The following BCKDHB variants were observed in gnomAD, a reference collection of about 807,000 sequenced individuals.
BCKDHB encodes the protein 2-oxoisovalerate dehydrogenase subunit beta, mitochondrial.
BCKDHB carries 41 observed loss-of-function variants against 48.5 expected under a neutral mutation model. The ratio of observed to expected loss-of-function variants is 0.85; its 90% CI spans 0.66 to 1.10. The LOEUF (loss-of-function observed/expected upper bound fraction) is 1.10, where lower values mean the gene tolerates loss of function less well. Ranked by LOEUF, BCKDHB falls within the 50% of genes least tolerant of loss-of-function variation. The pLI is 0.00. For missense variants in BCKDHB, 496 were observed against 494.2 expected, an observed-to-expected ratio of 1.00 and a Z score of -0.03; for synonymous variants, 201 against 174.8, an observed-to-expected ratio of 1.15 and a Z score of -1.18.
chr6:80,369,582 G>A, the BCKDHB span, among the ~76,000 whole-genome samples: 1 of 152,182 alleles, frequency 6.6e-6, no homozygotes, highest in Non-Finnish European at 1.5e-5. Flanking sequence ...TTTAGGTTTG[G>A]CATGTGGAAA....
intron 6 of BCKDHB, among the ~76,000 whole-genome samples, chr6:80,189,423 T>C (rs1773793427): frequency 2.0e-5 from 3 of 152,158 alleles, no homozygotes; most frequent in African/African-American, 7.2e-5. Flanking sequence ...TAAGGGCAAA[T>C]AAGAATTCTA....
At chr6:80,271,292 A>G (rs903624327) in intron 8 of BCKDHB, among the ~76,000 whole-genome samples, 1 of 152,062 alleles carries the variant, frequency 6.6e-6, no homozygotes, top group African/African-American at 2.4e-5. Context: ...ATAATACTCT[A>G]CTATGTTGAT....
intron 9 of BCKDHB, among the ~76,000 whole-genome samples, chr6:80,288,111 G>A (rs1766717066): frequency 6.6e-6 from 1 of 151,458 alleles, no homozygotes; most frequent in Non-Finnish European, 1.5e-5. Context: ...TCCAAATTGG[G>A]TGTTAGTAGT....
chr6:80,237,729 C>A (rs1382158128), intron 8 of BCKDHB, among the ~76,000 whole-genome samples: 1 of 152,168 alleles, frequency 6.6e-6, no homozygotes, highest in African/African-American at 2.4e-5. Flanking sequence ...ACCTATATGC[C>A]TAACTACTGC....
At chr6:80,377,207 A>AT in the BCKDHB span, among the ~76,000 whole-genome samples, 8,208 of 151,778 alleles carry the variant, frequency 0.054, 618 homozygotes, top group African/African-American at 0.17. Flanking sequence ...CGCCTAGCTA[A>AT]TTTTTTGTAT....
chr6:80,363,179 C>T, the BCKDHB span, among the ~76,000 whole-genome samples: 22 of 152,154 alleles, frequency 1.4e-4, no homozygotes, highest in Non-Finnish European at 5.9e-5. Flanking sequence ...TTTAGCAAAA[C>T]AAATAGTGAA....
intron 8 of BCKDHB, among the ~76,000 whole-genome samples, chr6:80,236,651 AACTG>A (rs1438222814): frequency 6.6e-6 from 1 of 152,210 alleles, no homozygotes; most frequent in East Asian, 1.9e-4. Context: ...GAGGTTGAGT[AACTG>A]GCCCCAAGAC....
chr6:80,122,316 C>T (rs2505927), intron 1 of BCKDHB, among the ~76,000 whole-genome samples: 94,333 of 152,048 alleles, frequency 0.62, 29,514 homozygotes, highest in South Asian at 0.76. Context: ...AAATTCTCTT[C>T]TTTTGTTGTG....
chr6:80,117,864 AT>A (rs777034849), intron 1 of BCKDHB, among the ~76,000 whole-genome samples: 137 of 152,256 alleles, frequency 9.0e-4, no homozygotes, highest in Non-Finnish European at 1.4e-3. Flanking sequence ...GAGACCCCTG[AT>A]TTCCCACTCC....
rs537880583 is a variant in BCKDHB, at chr6:80,249,914, A to C, written c.952-23221A>C. The stretch of plus-strand genomic sequence containing the variant: ...GGTAAGTTGTGGCATTGTTGTAAGC[A>C]CCTGCCTGTATGTGTGTTGCTCTGA... On this transcript the variant is annotated intron_variant, in intron 8 of 9. Transcript: ENST00000320393. Among the ~76,000 whole-genome samples the C allele has an allele frequency of 2.9e-4, 44 of 152,252 alleles. 2 individuals are homozygous for C. The South Asian group carries it at 9.1e-3, about 32-fold the overall frequency.
the BCKDHB span, among the ~76,000 whole-genome samples, chr6:80,408,171 T>G: frequency 2.0e-5 from 3 of 152,220 alleles, no homozygotes; most frequent in Non-Finnish European, 4.4e-5. Context: ...GATTTGCATA[T>G]GTTGAACCAG....
At chr6:80,134,755 A>C (rs770938347) in intron 3 of BCKDHB, among the ~76,000 whole-genome samples, 24 of 150,938 alleles carry the variant, frequency 1.6e-4, no homozygotes, top group Non-Finnish European at 3.0e-4. Flanking sequence ...TTATTTATTT[A>C]TTTATTTATT....
chr6:80,412,146 A>ATTT, the BCKDHB span, among the ~76,000 whole-genome samples: 643 of 137,084 alleles, frequency 4.7e-3, 11 homozygotes, highest in East Asian at 0.03. Flanking sequence ...CACAGTTTAC[A>ATTT]TTTTTTTTTT....
At chr6:80,452,791 A>C in the BCKDHB span, among the ~76,000 whole-genome samples, 2 of 152,338 alleles carry the variant, frequency 1.3e-5, no homozygotes, top group South Asian at 4.1e-4. Context: ...AAGAAGTCTT[A>C]AGAATAACTA....
At chr6:80,425,126 C>G in the BCKDHB span, among the ~76,000 whole-genome samples, 1 of 152,132 alleles carries the variant, frequency 6.6e-6, no homozygotes, top group Non-Finnish European at 1.5e-5. Context: ...AGAAACCAAA[C>G]AAAGATGACT....
chr6:80,351,048 T>C (rs1224484233), downstream of BCKDHB, among the ~76,000 whole-genome samples: 1 of 152,236 alleles, frequency 6.6e-6, no homozygotes, highest in East Asian at 1.9e-4. Context: ...GAGGCCTGTT[T>C]GGTTAATGTG....
intron 9 of BCKDHB, chr6:80,308,022 C>T (rs1430957749): frequency 1.7e-6 from 1 of 591,180 alleles, no homozygotes; most frequent in African/African-American, 2.0e-5. Context: ...GGTCACTGAC[C>T]TTGGAAGAGC....
At chr6:80,153,151 A>C (rs749018150) in intron 3 of BCKDHB, among the ~76,000 whole-genome samples, 1 of 129,866 alleles carries the variant, frequency 7.7e-6, no homozygotes, top group Non-Finnish European at 1.8e-5. Context: ...TTTTTGCAGA[A>C]GGTGAGCCGT....
At chr6:80,199,862 A>C (rs565003851) in intron 6 of BCKDHB, among the ~76,000 whole-genome samples, 2 of 150,208 alleles carry the variant, frequency 1.3e-5, no homozygotes, top group Non-Finnish European at 3.0e-5. Flanking sequence ...ATTTGAGGTC[A>C]GGAGTTCAAG....
Sources: gnomAD v4.1 joint callset for allele counts (sites outside exome capture counted in the v4.1 genomes callset) on GRCh38, gnomAD v4.1.1 for gene constraint, MANE v1.5 for transcripts, NCBI Gene and HGNC (gene_info 2026-07-23, HGNC 2026-07-21) for gene names.